DNAJC5B: variants seen among roughly 807,000 people sequenced by gnomAD.
DNAJC5B encodes the protein dnaJ homolog subfamily C member 5B.
In DNAJC5B, 23 loss-of-function variants were observed where a neutral mutation model predicts 24.7. That is an observed-to-expected ratio of 0.93 (90% CI 0.67 to 1.32). The LOEUF (loss-of-function observed/expected upper bound fraction) is 1.32. Among genes scored for constraint, DNAJC5B ranks in the 40% most tolerant of loss-of-function variants. The probability of loss-of-function intolerance (pLI) is 0.00; values close to 1 mark genes in which losing one functional copy is unlikely to be tolerated. For synonymous variants in DNAJC5B, 101 were observed against 90.1 expected (o/e 1.12, Z -0.68); for missense variants, 238 against 240.8 (o/e 0.99, Z 0.08).
chr8:66,078,604 T>G (rs180809281), intron 4 of DNAJC5B, among the ~76,000 whole-genome samples: 1 of 151,738 alleles, frequency 6.6e-6, no homozygotes, highest in African/African-American at 2.4e-5. Flanking sequence ...AGGACAAAAA[T>G]AGCTTAAAAA....
intron 5 of DNAJC5B, among the ~76,000 whole-genome samples, chr8:66,087,489 T>C (rs969920514): frequency 6.6e-5 from 10 of 152,066 alleles, no homozygotes; most frequent in Non-Finnish European, 1.3e-4. Context: ...TCCCCAAAAG[T>C]CTTAACTCAT....
At chr8:66,049,890 T>C (rs1381620239) in intron 2 of DNAJC5B, among the ~76,000 whole-genome samples, 3 of 152,250 alleles carry the variant, frequency 2.0e-5, no homozygotes, top group Admixed American at 6.5e-5. Context: ...ATGGGAGTCA[T>C]GACATCTCTT....
intron 5 of DNAJC5B, among the ~76,000 whole-genome samples, chr8:66,090,573 G>A (rs2128966436): frequency 6.6e-6 from 1 of 152,054 alleles, no homozygotes; most frequent in South Asian, 2.1e-4. Flanking sequence ...GTGAGATTCG[G>A]TGCATAGAAA....
chr8:66,059,497 G>C (rs1310727889), intron 3 of DNAJC5B, among the ~76,000 whole-genome samples: 3 of 152,188 alleles, frequency 2.0e-5, no homozygotes, highest in Non-Finnish European at 2.9e-5. Context: ...GGAGGAGGGA[G>C]AGTCACTAGT....
At chr8:66,052,172 G>A (rs368379667) in intron 3 of DNAJC5B, among the ~76,000 whole-genome samples, 1 of 150,548 alleles carries the variant, frequency 6.6e-6, no homozygotes, top group South Asian at 2.1e-4. Flanking sequence ...TGGCCAGGCT[G>A]GTCTCGAACT....
intron 3 of DNAJC5B, among the ~76,000 whole-genome samples, chr8:66,054,701 T>A (rs1417881427): frequency 6.6e-6 from 1 of 152,182 alleles, no homozygotes; most frequent in Non-Finnish European, 1.5e-5. Flanking sequence ...AAACTCAATA[T>A]CAATCTTCTA....
chr8:66,093,360 G>A (rs898730200), intron 5 of DNAJC5B, among the ~76,000 whole-genome samples: 3 of 152,074 alleles, frequency 2.0e-5, no homozygotes, highest in African/African-American at 4.8e-5. Flanking sequence ...CCCACTAACC[G>A]GTAACGAGAG....
intron 5 of DNAJC5B, among the ~76,000 whole-genome samples, chr8:66,099,728 GT>G (rs1474347230): frequency 1.3e-5 from 2 of 152,168 alleles, no homozygotes; most frequent in African/African-American, 4.8e-5. Flanking sequence ...TGGTGCTTTG[GT>G]TTTATAATTC....
intron 2 of DNAJC5B, among the ~76,000 whole-genome samples, chr8:66,049,746 C>T (rs1806806022): frequency 1.3e-5 from 2 of 152,162 alleles, no homozygotes; most frequent in African/African-American, 4.8e-5. Flanking sequence ...ATATCTCTTT[C>T]CTGGATTAGT....
At chr8:66,080,790 T>C (rs1054196326) in intron 5 of DNAJC5B, among the ~76,000 whole-genome samples, 2 of 152,142 alleles carry the variant, frequency 1.3e-5, no homozygotes, top group African/African-American at 4.8e-5. Context: ...ATGCTGATGA[T>C]GAATCAAAGG....
intron 5 of DNAJC5B, among the ~76,000 whole-genome samples, chr8:66,089,415 A>T (rs1010961989): frequency 2.0e-5 from 3 of 152,224 alleles, no homozygotes; most frequent in Non-Finnish European, 4.4e-5. Flanking sequence ...ATGTTATAGG[A>T]CATTATAACT....
intron 3 of DNAJC5B, among the ~76,000 whole-genome samples, chr8:66,060,948 A>G (rs958462486): frequency 6.6e-6 from 1 of 152,246 alleles, no homozygotes; most frequent in East Asian, 1.9e-4. Context: ...TAATGAACAC[A>G]TAAGTAAGAC....
At chr8:66,030,468 G>T (rs567973579) in intron 1 of DNAJC5B, among the ~76,000 whole-genome samples, 26 of 152,202 alleles carry the variant, frequency 1.7e-4, no homozygotes, top group Middle Eastern at 3.4e-3. Context: ...TACTCATGTT[G>T]TCAGAAAGTA....
intron 5 of DNAJC5B, among the ~76,000 whole-genome samples, chr8:66,087,760 T>C (rs1261066319): frequency 6.6e-6 from 1 of 152,192 alleles, no homozygotes. Context: ...TTATGTCTCA[T>C]ATCTAGGGCA....
At chr8:66,099,880 A>G in intron 5 of DNAJC5B, 57 bp from the exon 6 acceptor site, 1 of 1,504,180 alleles carries the variant, frequency 6.6e-7, no homozygotes, top group Non-Finnish European at 9.2e-7. Flanking sequence ...CACTTGCTTC[A>G]TTAAAAGAAC....
intron 2 of DNAJC5B, among the ~76,000 whole-genome samples, chr8:66,044,325 T>C (rs1178416721): frequency 1.3e-5 from 2 of 152,206 alleles, no homozygotes; most frequent in African/African-American, 4.8e-5. Flanking sequence ...GTGAATGCCA[T>C]GGAAAGTGTG....
intron 1 of DNAJC5B, among the ~76,000 whole-genome samples, chr8:66,022,673 T>C (rs925228993): frequency 1.3e-5 from 2 of 152,156 alleles, no homozygotes; most frequent in Admixed American, 6.5e-5. Flanking sequence ...CGAATAAATA[T>C]ATCACAGCAG....
At chr8:66,071,965 C>T (rs555572791) in intron 3 of DNAJC5B, among the ~76,000 whole-genome samples, 21 of 147,890 alleles carry the variant, frequency 1.4e-4, no homozygotes, top group Admixed American at 1.2e-3. Flanking sequence ...AACCAAAAAC[C>T]ACATGTTCTC....
intron 3 of DNAJC5B, among the ~76,000 whole-genome samples, chr8:66,063,024 A>G (rs1322237726): frequency 1.3e-5 from 2 of 152,164 alleles, no homozygotes; most frequent in African/African-American, 4.8e-5. Flanking sequence ...AAACAAACAA[A>G]CAAAAAATCA....
Sources: allele counts gnomAD v4.1 joint callset (sites outside exome capture counted in the v4.1 genomes callset), GRCh38; gene constraint gnomAD v4.1.1; transcripts MANE v1.5; gene names NCBI Gene and HGNC (gene_info 2026-07-23, HGNC 2026-07-21).